Variants in NDST1 observed in about 807,000 individuals in gnomAD.
NDST1 encodes the protein N-deacetylase and N-sulfotransferase 1.
A neutral mutation model predicts 92.8 loss-of-function variants in NDST1; 35 were observed. The ratio of observed to expected loss-of-function variants is 0.38; its 90% CI spans 0.29 to 0.50. The LOEUF is 0.50. Ranked by LOEUF, NDST1 falls within the 20% of genes least tolerant of loss-of-function variation. NDST1 has a pLI of 0.94. For missense variants in NDST1, 822 were observed against 1,182.7 expected (o/e 0.69, Z 4.47); for synonymous variants, 493 against 500.3 (o/e 0.99, Z 0.19).
At chr5:150,522,377 C>T (rs1754277786) in intron 2 of NDST1, among the ~76,000 whole-genome samples, 2 of 152,042 alleles carry the variant, frequency 1.3e-5, no homozygotes, top group African/African-American at 4.8e-5. Context: ...TATGGGGCTT[C>T]CAGAATGACC....
Position 150,553,433 on chromosome 5 carries a change from C to G in NDST1, c.*101C>G, listed in dbSNP as rs1004407587. On this transcript the variant is annotated 3_prime_UTR_variant, in exon 15 of 15. Coordinates refer to ENST00000261797, the MANE Select transcript of NDST1 (RefSeq NM_001543.5). This position sits in a 1 kb window ranked among gnomAD's most constrained non-coding sequence, Gnocchi z 4.2. ...GTGGGAAGCTGGACCAGGGCAGCTG[C>G]GCACTTATGAGCAATACTCTGTGGA... is the stretch of plus-strand genomic sequence containing the variant. The G allele has an allele frequency of 5.4e-6, 8 of 1,488,486 alleles. No homozygotes were observed. The Admixed American group carries it at 1.2e-4, about 22-fold the overall frequency. 92.2% of individuals were successfully genotyped at this position (1,488,486 alleles called of 1,614,324 possible).
At chr5:150,546,793 G>C (rs759145478) in intron 11 of NDST1, among the ~76,000 whole-genome samples, 6 of 152,248 alleles carry the variant, frequency 3.9e-5, no homozygotes, top group Non-Finnish European at 8.8e-5. Context: ...CTCTGAGGCT[G>C]GTGAGGAAGC....
At chr5:150,536,022 T>C (rs930757888) in intron 6 of NDST1, 137 bp downstream of exon 6, 5 of 1,034,560 alleles carry the variant, frequency 4.8e-6, no homozygotes, top group Non-Finnish European at 7.2e-6. Flanking sequence ...CTGCCTCCTC[T>C]GGCACCCGAG....
At chr5:150,536,015 C>T (rs1754968076) in intron 6 of NDST1, 130 bp downstream of exon 6, 2 of 1,081,716 alleles carry the variant, frequency 1.8e-6, no homozygotes, top group Non-Finnish European at 2.7e-6. Flanking sequence ...GCTTCTGCTG[C>T]CTCCTCTGGC....
chr5:150,517,718 T>TA (rs1370994387), intron 1 of NDST1, among the ~76,000 whole-genome samples: 1 of 152,208 alleles, frequency 6.6e-6, no homozygotes, highest in Middle Eastern at 3.2e-3. Flanking sequence ...AAATGTCAGA[T>TA]TCCCACAGGG....
intron 6 of NDST1, among the ~76,000 whole-genome samples, chr5:150,538,229 G>A (rs147669036): frequency 1.9e-4 from 29 of 152,310 alleles, no homozygotes; most frequent in Middle Eastern, 6.8e-3. Context: ...AGATGAGGTC[G>A]GGGTGGGTGA....
chr5:150,533,234 G>A (rs1029025896), intron 4 of NDST1, among the ~76,000 whole-genome samples: 12 of 152,200 alleles, frequency 7.9e-5, no homozygotes, highest in African/African-American at 2.4e-4. Context: ...CAACAGCAGC[G>A]GCAGCAACAG....
chr5:150,524,126 ATC>A (rs1175417223), intron 2 of NDST1, among the ~76,000 whole-genome samples: 1 of 152,168 alleles, frequency 6.6e-6, no homozygotes. Flanking sequence ...ACAGGTTCAA[ATC>A]TCTCTGTCAT....
chr5:150,536,162 G>T (rs1754977077), intron 6 of NDST1, among the ~76,000 whole-genome samples: 1 of 152,160 alleles, frequency 6.6e-6, no homozygotes, highest in Non-Finnish European at 1.5e-5. Flanking sequence ...TGTGGGACAG[G>T]GCTCTGTTAC....
intron 8 of NDST1, 93 bp downstream of exon 8, chr5:150,540,357 A>G (rs1321599897): frequency 1.5e-6 from 2 of 1,347,714 alleles, no homozygotes; most frequent in Non-Finnish European, 2.0e-6. Flanking sequence ...AGGCTCAGCC[A>G]TCATGCCTTC....
rs779122546 is a variant in NDST1 at position 150,553,706 on chromosome 5, C to T, written c.*374C>T. ...CTTCCGCAGGGCGCCCCTCAGTATTCGCTGCCATATGTCCCTGTCCTCCAG... is the reference window on the plus strand; with the variant it reads ...CTTCCGCAGGGCGCCCCTCAGTATTTGCTGCCATATGTCCCTGTCCTCCAG... On this transcript the variant is annotated 3_prime_UTR_variant, in exon 15 of 15. Transcript: ENST00000261797. This position sits in a 1 kb window ranked among gnomAD's most constrained non-coding sequence, Gnocchi z 4.2. 3.6e-5 allele frequency: 15 copies of T among 413,866 alleles called. No homozygotes were observed. The highest frequency in any genetic ancestry group is 1.8e-4 in the Admixed American group (5 of 28,182). The allele number at this position is 413,866 out of a possible 1,614,324, so 25.6% of individuals were successfully genotyped here.
Position 150,553,736 on chromosome 5 carries a change from T to A in NDST1, c.*404T>A, listed in dbSNP as rs1322042080. The A allele has an allele frequency of 4.9e-6, 2 of 411,372 alleles. No homozygotes were observed. Among genetic ancestry groups the A allele is most frequent in the East Asian group, 9.8e-5 (2 of 20,330 alleles). 25.5% of individuals were successfully genotyped at this position (411,372 alleles called of 1,614,324 possible). On this transcript the variant is annotated 3_prime_UTR_variant, in exon 15 of 15. Transcript: ENST00000261797. This position sits in a 1 kb window ranked among gnomAD's most constrained non-coding sequence, Gnocchi z 4.2. Reference sequence around the variant, plus strand: ...CCATATGTCCCTGTCCTCCAGGCTGTAGGGGAGGAGAGCCTGGCCGGGGGA... The same window carrying A: ...CCATATGTCCCTGTCCTCCAGGCTGAAGGGGAGGAGAGCCTGGCCGGGGGA...
At chr5:150,543,036 TG>T (rs1233565312) in intron 10 of NDST1, 65 bp downstream of exon 10, 4 of 1,606,952 alleles carry the variant, frequency 2.5e-6, no homozygotes, top group Non-Finnish European at 3.4e-6. Context: ...AGGAGTCTGC[TG>T]TGGCCACAGC....
rs1450156808 is a variant in NDST1, at chr5:150,553,566, C to T, written c.*234C>T. ...CTCCCTCGCCAGCAGAGGTCCATTC[C>T]GTTCCCAGCTGCTCCTGGGGAGGCC... is the stretch of plus-strand genomic sequence containing the variant. On this transcript the variant is annotated 3_prime_UTR_variant, in exon 15 of 15. Coordinates refer to ENST00000261797, the MANE Select transcript of NDST1 (RefSeq NM_001543.5). The surrounding 1 kb of genome is among the most constrained non-coding windows in gnomAD (Gnocchi z 4.2). The T allele has an allele frequency of 5.6e-6, 3 of 533,006 alleles. No individual in the cohort carries two copies. Among genetic ancestry groups the T allele is most frequent in the East Asian group, 3.8e-5 (1 of 26,414 alleles). 33.0% of individuals were successfully genotyped at this position (533,006 alleles called of 1,614,324 possible). A position where few individuals can be genotyped will look rare whatever the true frequency, so the allele number is the denominator to read the frequency against.
Position 150,540,272 on chromosome 5 carries a change from G to A in NDST1, c.1749+8G>A, listed in dbSNP as rs370928116. 4.1e-5 allele frequency: 65 copies of A among 1,596,894 alleles called. No individual in the cohort carries two copies. The highest frequency in any genetic ancestry group is 2.7e-4 in the Admixed American group (16 of 59,372). ...AAGGACCCGCTCTGGCAGGTGGGGGGCTGGGCAGCCTGGGCAGGTTGCTAC... is the reference window on the plus strand; with the variant it reads ...AAGGACCCGCTCTGGCAGGTGGGGGACTGGGCAGCCTGGGCAGGTTGCTAC... On this transcript the variant is annotated splice_region_variant and intron_variant, in intron 8 of 14. Coordinates refer to ENST00000261797, the MANE Select transcript of NDST1 (RefSeq NM_001543.5).
At position 150,545,297 on chromosome 5, in the gene NDST1, C is replaced by T; in HGVS notation, c.1971-15C>T. 2 of 1,614,178 alleles carry T rather than the reference C, an allele frequency of 1.2e-6. No homozygotes were observed. The highest frequency in any genetic ancestry group is 2.2e-5 in the East Asian group (1 of 44,892). ...TGAGTTTTGTCTGTGAGCCGCCTCT[C>T]TGGGCTTCCTGCAGGTACATGGAGT... On this transcript the variant is annotated splice_polypyrimidine_tract_variant and intron_variant, in intron 10 of 14. Transcript: ENST00000261797.
chr5:150,542,033 T>C (rs1341420032), intron 9 of NDST1, among the ~76,000 whole-genome samples: 2 of 152,136 alleles, frequency 1.3e-5, no homozygotes, highest in African/African-American at 4.8e-5. Flanking sequence ...AGAGGTGCAG[T>C]AGGGAGAAGC....
chr5:150,551,673 T>G (rs1755734059), intron 13 of NDST1, 80 bp from the exon 14 acceptor site: 1 of 1,547,154 alleles, frequency 6.5e-7, no homozygotes, highest in African/African-American at 1.4e-5. Flanking sequence ...CTGCCATTCC[T>G]GGGGTCCATG....
chr5:150,557,219 AT>A lies in NDST1; in HGVS notation c.*3888del, dbSNP rs1226574007. 1 of 152,676 alleles carries A rather than the reference AT, an allele frequency of 6.5e-6. No homozygotes were observed. Among genetic ancestry groups the A allele is most frequent in the East Asian group, 1.9e-4 (1 of 5,202 alleles). 9.5% of individuals were successfully genotyped at this position (152,676 alleles called of 1,614,324 possible). ...AAGTCTCCCTGGAGAAGGCCGTAAT[AT>A]CTGGGCCTTGGAAGGAAGGACACAG... On this transcript the variant is annotated 3_prime_UTR_variant, in exon 15 of 15. Coordinates refer to ENST00000261797, the MANE Select transcript of NDST1 (RefSeq NM_001543.5). This position sits in a 1 kb window ranked among gnomAD's most constrained non-coding sequence, Gnocchi z 4.7.
Sources: allele counts gnomAD v4.1 joint callset (sites outside exome capture counted in the v4.1 genomes callset), GRCh38; gene constraint gnomAD v4.1.1; non-coding constraint Gnocchi (gnomAD v3.1); transcripts MANE v1.5; gene names NCBI Gene and HGNC (gene_info 2026-07-23, HGNC 2026-07-21).